PIGV: variants seen among roughly 807,000 people sequenced by gnomAD.
The protein encoded by PIGV is GPI alpha-1,6-mannosyltransferase 2.
In PIGV, 27 loss-of-function variants were observed where a neutral mutation model predicts 39.2. The ratio of observed to expected loss-of-function variants is 0.69; its 90% CI spans 0.51 to 0.95. PIGV has a LOEUF of 0.95. Among genes scored for constraint, PIGV ranks in the 40% least tolerant of loss-of-function variants. The pLI, the probability that PIGV is intolerant of heterozygous loss-of-function variation, is 0.00. For synonymous variants in PIGV, 232 were observed against 241.7 expected (o/e 0.96, Z 0.37); for missense variants, 523 against 586.4 (o/e 0.89, Z 1.12).
rs1345140293 is a variant in PIGV at position 26,797,864 on chromosome 1, G to C, written c.*20G>C. 6 of 1,613,438 alleles carry C rather than the reference G, an allele frequency of 3.7e-6. No homozygotes were observed. Among genetic ancestry groups the C allele is most frequent in the Non-Finnish European group, 5.1e-6 (6 of 1,179,446 alleles). On this transcript the variant is annotated 3_prime_UTR_variant, in exon 4 of 4. Coordinates refer to ENST00000674202, the MANE Select transcript of PIGV (RefSeq NM_017837.4). ...ACATGACCTGGACTCTCCAGGGACA[G>C]GTTGGAAGCCAACTTAACCCAGGGG...
Position 26,796,587 on chromosome 1 carries a change from A to C in PIGV, c.1201-976A>C, listed in dbSNP as rs1055188508. Among the ~76,000 whole-genome samples, 4 of 152,230 alleles carry C rather than the reference A, an allele frequency of 2.6e-5. No homozygotes were observed. In the South Asian group the frequency reaches 8.3e-4, roughly 31 times the overall value. On this transcript the variant is annotated intron_variant, in intron 3 of 3. Coordinates refer to ENST00000674202, the MANE Select transcript of PIGV (RefSeq NM_017837.4). The stretch of plus-strand genomic sequence containing the variant: ...GGTCCTGAAGAATGAGATTTTCCAT[A>C]TAAGAAGCAGAGGAGGAACATTCTA...
Position 26,794,851 on chromosome 1 carries a change from C to G in PIGV, c.817C>G (p.Pro273Ala). ...FCLPGSARPI[P>A]EPLVQLAVDK... ...TCTGCCAGGCTCAGCCCGCCCCATT[C>G]CTGAGCCTTTGGTACAGTTAGCTGT... is the stretch of plus-strand genomic sequence containing the variant. The change falls in exon 3 of 4, where the codon CCT becomes GCT. Residue 273 changes from proline (P) to alanine (A), a missense_variant. Pro to Ala is a conservative substitution (Grantham distance 27, BLOSUM62 -1). Transcript: ENST00000674202. The G allele has an allele frequency of 6.2e-7, 1 of 1,614,142 alleles. No individual in the cohort carries two copies.
At chr1:26,789,912 C>G (rs2081289003) in intron 1 of PIGV, among the ~76,000 whole-genome samples, 2 of 152,170 alleles carry the variant, frequency 1.3e-5, no homozygotes, top group Admixed American at 6.5e-5. Context: ...TCTTGAGGAG[C>G]CTTTATGACT....
At position 26,790,791 on chromosome 1, in the gene PIGV, C is replaced by G. The variant is rs777993021; in HGVS notation, c.-25C>G. 11 of 1,603,254 alleles carry G rather than the reference C, an allele frequency of 6.9e-6. No homozygotes were observed. The highest frequency in any genetic ancestry group is 9.4e-6 in the Non-Finnish European group (11 of 1,170,232). On this transcript the variant is annotated 5_prime_UTR_variant, in exon 2 of 4. Transcript: ENST00000674202. Reference sequence around the variant, plus strand: ...AGGGAGCTCAATCCTGGTAGCAACACCCCTGAATTCCTGGTGGTGAAAGGA... The same window carrying G: ...AGGGAGCTCAATCCTGGTAGCAACAGCCCTGAATTCCTGGTGGTGAAAGGA...
At chr1:26,790,915 C>G (rs750587885) in intron 2 of PIGV, 22 bp downstream of exon 2, 1 of 1,591,328 alleles carries the variant, frequency 6.3e-7, no homozygotes, top group Non-Finnish European at 8.6e-7. Flanking sequence ...ATCCTTTGTC[C>G]TGAATGTGCT....
At position 26,795,439 on chromosome 1, in the gene PIGV, G is replaced by A. The variant is rs146091102; in HGVS notation, c.1200+205G>A. On this transcript the variant is annotated intron_variant, in intron 3 of 3. Transcript: ENST00000674202. ...AAATAAGACAAAATTGCGGCCAGGC[G>A]CGGTGGCTCACACCCATAATCCCAG... is the stretch of plus-strand genomic sequence containing the variant. 0.021 allele frequency among the ~76,000 whole-genome samples: 3,246 copies of A among 152,196 alleles called. 47 individuals carry two copies. Among genetic ancestry groups the A allele is most frequent in the Non-Finnish European group, 0.032 (2,174 of 67,996 alleles).
rs1353179753 is a variant in PIGV at position 26,788,399 on chromosome 1, G to T, written c.-58+131G>T. ...CTTTGGCTCTGAGGACCCTGGGTCA[G>T]AGCGACTTCTCCAGCCTGCGCAGGG... is the stretch of plus-strand genomic sequence containing the variant. On this transcript the variant is annotated intron_variant, in intron 1 of 3. Coordinates refer to ENST00000674202, the MANE Select transcript of PIGV (RefSeq NM_017837.4). 2.0e-5 allele frequency: 3 copies of T among 152,438 alleles called. No individual in the cohort carries two copies. The East Asian group carries it at 5.8e-4, about 29-fold the overall frequency. The allele number at this position is 152,438 out of a possible 1,614,324, so 9.4% of individuals were successfully genotyped here. A position where few individuals can be genotyped will look rare whatever the true frequency, so the allele number is the denominator to read the frequency against.
In PIGV at chr1:26,797,956, ATCTTTC is replaced by A; in HGVS notation, c.*124_*129del. ...TGGGATCATTACTGTGTCCATTATA[ATCTTTC>A]TCTTTCTCTTTGAAAGCTGGTCAGG... On this transcript the variant is annotated 3_prime_UTR_variant, in exon 4 of 4. Transcript: ENST00000674202. The A allele has an allele frequency of 4.2e-6, 4 of 954,752 alleles. No homozygotes were observed. The highest frequency in any genetic ancestry group is 6.7e-6 in the Non-Finnish European group (4 of 595,334). 59.1% of individuals were successfully genotyped at this position (954,752 alleles called of 1,614,324 possible). A position where few individuals can be genotyped will look rare whatever the true frequency, so the allele number is the denominator to read the frequency against.
chr1:26,794,798 T>G lies in PIGV; in HGVS notation c.764T>G (p.Phe255Cys). 6.2e-7 allele frequency: 1 copy of G among 1,614,058 alleles called. No homozygotes were observed. The highest frequency in any genetic ancestry group is 8.5e-7 in the Non-Finnish European group (1 of 1,179,980). ...ACACTTGGCCTTCCCTTTGCCCTCT[T>G]TCAGTATTATGCCTACACCCAATTC... ...VFTLGLPFAL[F>C]QYYAYTQFCL... Residue 255 changes from phenylalanine to cysteine, a missense_variant, in exon 3 of 4, where the codon TTT becomes TGT. Physicochemically the swap from Phe to Cys is radical, Grantham distance 205. Transcript: ENST00000674202.
intron 1 of PIGV, among the ~76,000 whole-genome samples, 151 bp from the exon 2 acceptor site, chr1:26,790,608 A>G (rs2081296929): frequency 6.6e-6 from 1 of 152,208 alleles, no homozygotes; most frequent in Non-Finnish European, 1.5e-5. Context: ...TACTGAACCC[A>G]TTTGCTGTCA....
chr1:26,794,200 G>C lies in PIGV; in HGVS notation c.166G>C (p.Val56Leu), dbSNP rs1471512677. ...CCCCTCAGGCTTTGTGGACCAACTC[G>C]TGGAAGGTCTTCTGGGCGGCCTGTC... ...LAPSGFVDQL[V>L]EGLLGGLSHW... Residue 56 changes from valine to leucine, a missense_variant, in exon 3 of 4, where the codon GTG (valine) becomes CTG (leucine). Physicochemically the swap from Val to Leu is conservative, Grantham distance 32. Transcript: ENST00000674202. 6.2e-7 allele frequency: 1 copy of C among 1,614,168 alleles called. No homozygotes were observed. The highest frequency in any genetic ancestry group is 8.5e-7 in the Non-Finnish European group (1 of 1,180,032).
rs201986619 is a variant in PIGV at position 26,795,870 on chromosome 1, A to T, written c.1200+636A>T. Among the ~76,000 whole-genome samples, 92 of 150,314 alleles carry T rather than the reference A, an allele frequency of 6.1e-4. 1 individual carries two copies. The highest frequency in any genetic ancestry group is 3.1e-3 in the East Asian group (16 of 5,086). On this transcript the variant is annotated intron_variant, in intron 3 of 3. Coordinates refer to ENST00000674202, the MANE Select transcript of PIGV (RefSeq NM_017837.4). ...ACTTTATTTATTTATTTATTTATTT[A>T]TTTTTTTAGATGGAGTCTCGCTCTG...
rs1272143924 is a variant in PIGV at position 26,800,503 on chromosome 1, C to G, written c.*2659C>G. ...AGGAGAGTGTTTGACATACCTTTAC[C>G]AGTCCTCCTGGAAAAATGTTACTTT... On this transcript the variant is annotated 3_prime_UTR_variant, in exon 4 of 4. Transcript: ENST00000674202. Among the ~76,000 whole-genome samples, 8 of 152,056 alleles carry G rather than the reference C, an allele frequency of 5.3e-5. No individual in the cohort carries two copies. The highest frequency in any genetic ancestry group is 1.2e-4 in the Non-Finnish European group (8 of 68,006).
rs557206710 is a variant in PIGV, at chr1:26,794,885, G to A, written c.851G>A (p.Gly284Asp). ...TTGGTACAGTTAGCTGTAGACAAGGGCTACCGGATTGCAGAGGGAAATGAA... is the reference window on the plus strand; with the variant it reads ...TTGGTACAGTTAGCTGTAGACAAGGACTACCGGATTGCAGAGGGAAATGAA... ...EPLVQLAVDK[G>D]YRIAEGNEPP... The change falls in exon 3 of 4, where the codon GGC (glycine) becomes GAC (aspartate). Residue 284 changes from glycine to aspartate, a missense_variant. Coordinates refer to ENST00000674202, the MANE Select transcript of PIGV (RefSeq NM_017837.4). 4.5e-5 allele frequency: 72 copies of A among 1,614,170 alleles called. No individual in the cohort carries two copies. The South Asian group carries it at 7.7e-4, about 17-fold the overall frequency.
rs371892825 is a variant in PIGV at position 26,794,462 on chromosome 1, A to G, written c.428A>G (p.His143Arg). ...ALHDLGCLVL[H>R]CPHQSFYAAL... ...CATGACCTGGGTTGTCTGGTTTTGC[A>G]CTGTCCCCACCAGTCCTTTTATGCA... is the stretch of plus-strand genomic sequence containing the variant. The change falls in exon 3 of 4, where the codon CAC (histidine) becomes CGC (arginine). Residue 143 changes from histidine to arginine, a missense_variant. Coordinates refer to ENST00000674202, the MANE Select transcript of PIGV (RefSeq NM_017837.4). 115 of 1,614,092 alleles carry G rather than the reference A, an allele frequency of 7.1e-5. No homozygotes were observed. The highest frequency in any genetic ancestry group is 1.6e-4 in the Middle Eastern group (1 of 6,084).
In PIGV at chr1:26,799,773, C is replaced by G. The variant is rs556513022; in HGVS notation, c.*1929C>G. On this transcript the variant is annotated 3_prime_UTR_variant, in exon 4 of 4. Transcript: ENST00000674202. ...GATCAGGGCAGCCCTCTGCCTTCTG[C>G]CAAGACACCAAGTGCCCTTCTTGGC... is the stretch of plus-strand genomic sequence containing the variant. Among the ~76,000 whole-genome samples the G allele has an allele frequency of 6.6e-6, 1 of 152,330 alleles. No individual in the cohort carries two copies. The highest frequency in any genetic ancestry group is 6.5e-5 in the Admixed American group (1 of 15,304).
At chr1:26,789,455 A>G (rs996558675) in intron 1 of PIGV, among the ~76,000 whole-genome samples, 3 of 152,118 alleles carry the variant, frequency 2.0e-5, no homozygotes, top group Non-Finnish European at 4.4e-5. Flanking sequence ...TTGACATGAG[A>G]TATGATGGGA....
chr1:26,793,185 CA>C (rs1381173772), intron 2 of PIGV, among the ~76,000 whole-genome samples: 1 of 152,172 alleles, frequency 6.6e-6, no homozygotes, highest in African/African-American at 2.4e-5. Context: ...CACTAGCATA[CA>C]AACCTTTACC....
At chr1:26,790,375 GAAAA>G (rs894979105) in intron 1 of PIGV, among the ~76,000 whole-genome samples, 1 of 145,918 alleles carries the variant, frequency 6.9e-6, no homozygotes. Context: ...TGTGAGATAG[GAAAA>G]AAAAAAAGTC....
Sources: gnomAD v4.1 joint callset for allele counts (sites outside exome capture counted in the v4.1 genomes callset) on GRCh38, gnomAD v4.1.1 for gene constraint, MANE v1.5 for transcripts, NCBI Gene and HGNC (gene_info 2026-07-23, HGNC 2026-07-21) for gene names.